The following ZFYVE28 variants were observed in gnomAD, a reference collection of about 807,000 sequenced individuals.
The protein encoded by ZFYVE28 is lateral signaling target protein 2 homolog.
Under a neutral mutation model 82.1 loss-of-function variants are expected in ZFYVE28, and 40 were observed. The observed-to-expected ratio is 0.49, with a 90% CI of 0.38 to 0.63. The LOEUF (loss-of-function observed/expected upper bound fraction) is 0.63. Among genes scored for constraint, ZFYVE28 ranks in the 30% least tolerant of loss-of-function variants. The pLI is 0.00. For missense variants in ZFYVE28, 1,321 were observed against 1,242.1 expected, an observed-to-expected ratio of 1.06 and a Z score of -0.96; for synonymous variants, 612 against 546.1, an observed-to-expected ratio of 1.12 and a Z score of -1.68.
chr4:2,357,341 G>A lies in ZFYVE28; in HGVS notation c.40-3268C>T, dbSNP rs2108887705. Among the ~76,000 whole-genome samples, 7 of 152,320 alleles carry A rather than the reference G, an allele frequency of 4.6e-5. No individual in the cohort carries two copies. The South Asian group carries it at 1.4e-3, about 32-fold the overall frequency. On this transcript the variant is annotated intron_variant, in intron 1 of 12. Transcript: ENST00000290974. ...GCCCCTCCTCGCTCCCAAGGAAGAG[G>A]GGAAGAGCCAAGAACAGCACCTTCC...
Position 2,409,105 on chromosome 4 carries a change from A to G in ZFYVE28, c.39+9180T>C, listed in dbSNP as rs1732240610. Among the ~76,000 whole-genome samples, 1 of 140,370 alleles carries G rather than the reference A, an allele frequency of 7.1e-6. No homozygotes were observed. Among genetic ancestry groups the G allele is most frequent in the Non-Finnish European group, 1.5e-5 (1 of 64,660 alleles). 92.1% of individuals were successfully genotyped at this position (140,370 alleles called of 152,430 possible). ...AACGCCCCTGGCCCCCCACCCTCAC[A>G]TTCCCCGTGGAGTTGCATGGCCATC... On this transcript the variant is annotated intron_variant, in intron 1 of 12. Transcript: ENST00000290974. This position sits in a 1 kb window ranked among gnomAD's most constrained non-coding sequence, Gnocchi z 4.4.
chr4:2,297,813 T>C (rs1366000144), intron 8 of ZFYVE28, among the ~76,000 whole-genome samples: 167 of 69,364 alleles, frequency 2.4e-3, no homozygotes, highest in East Asian at 5.4e-3. Context: ...AGAAGACGAG[T>C]GGTGACAGTG....
intron 8 of ZFYVE28, among the ~76,000 whole-genome samples, chr4:2,288,565 A>T (rs530287429): frequency 1.3e-5 from 2 of 152,316 alleles, no homozygotes; most frequent in African/African-American, 4.8e-5. Flanking sequence ...GGGTGTCTCC[A>T]AGCTGGGTTG....
At chr4:2,356,446 A>G (rs3128829) in intron 1 of ZFYVE28, among the ~76,000 whole-genome samples, 1,081 of 29,446 alleles carry the variant, frequency 0.037, 17 homozygotes, top group African/African-American at 0.087. Context: ...CCGGCCGTTG[A>G]TGTGCCTGCC....
At chr4:2,380,514 C>T (rs1238635420) in intron 1 of ZFYVE28, among the ~76,000 whole-genome samples, 2 of 152,192 alleles carry the variant, frequency 1.3e-5, no homozygotes, top group Non-Finnish European at 2.9e-5. Flanking sequence ...GCAGCAGAAA[C>T]CACCTGGTTT....
chr4:2,412,246 G>A (rs564976914), intron 1 of ZFYVE28, among the ~76,000 whole-genome samples: 14 of 152,284 alleles, frequency 9.2e-5, no homozygotes, highest in Non-Finnish European at 1.2e-4. Context: ...GGAGGAACTG[G>A]AAGCTGTGAT....
chr4:2,286,905 A>C (rs1186936488), intron 8 of ZFYVE28: 2 of 142,668 alleles, frequency 1.4e-5, no homozygotes, highest in Admixed American at 1.4e-4. Flanking sequence ...AGATTTAATT[A>C]AGTTAAGGAT....
chr4:2,398,774 A>G (rs1330012838), intron 1 of ZFYVE28, among the ~76,000 whole-genome samples: 3 of 1,182 alleles, frequency 2.5e-3, no homozygotes, highest in Non-Finnish European at 4.5e-3. Context: ...GGTCAGTGGC[A>G]GGGGCAAGAT....
chr4:2,312,409 T>C (rs1328630478), intron 7 of ZFYVE28, among the ~76,000 whole-genome samples: 1 of 152,050 alleles, frequency 6.6e-6, no homozygotes, highest in East Asian at 1.9e-4. Context: ...TTCCATTGAC[T>C]TCTGCAATGA....
chr4:2,340,359 G>A (rs552021788), intron 3 of ZFYVE28, among the ~76,000 whole-genome samples: 1 of 152,320 alleles, frequency 6.6e-6, no homozygotes, highest in South Asian at 2.1e-4. Flanking sequence ...TCACCAAGCT[G>A]CCCTCTGGCA....
intron 6 of ZFYVE28, chr4:2,330,961 G>C: frequency 6.5e-7 from 1 of 1,535,244 alleles, no homozygotes; most frequent in South Asian, 1.2e-5. Flanking sequence ...GATGGGTGAG[G>C]GCCCCTGAAG....
At chr4:2,402,039 CAG>C (rs1372650829) in intron 1 of ZFYVE28, among the ~76,000 whole-genome samples, 1 of 152,194 alleles carries the variant, frequency 6.6e-6, no homozygotes, top group Non-Finnish European at 1.5e-5. Context: ...TCAAGAGACA[CAG>C]AGGAAGAAAT....
intron 1 of ZFYVE28, among the ~76,000 whole-genome samples, chr4:2,387,045 CTG>C (rs1729331845): frequency 6.6e-6 from 1 of 152,154 alleles, no homozygotes; most frequent in African/African-American, 2.4e-5. Context: ...GCTCCGCAGA[CTG>C]CAGGAGACTC....
chr4:2,358,588 A>G (rs1315367097), intron 1 of ZFYVE28, among the ~76,000 whole-genome samples: 1 of 152,140 alleles, frequency 6.6e-6, no homozygotes, highest in African/African-American at 2.4e-5. Flanking sequence ...AAGCCTCTGA[A>G]TGGTCTCCCA....
rs1164427105 is a variant in ZFYVE28, at chr4:2,341,199, G to A, written c.318+279C>T. 3.9e-6 allele frequency: 2 copies of A among 516,202 alleles called. No individual in the cohort carries two copies. Among genetic ancestry groups the A allele is most frequent in the Non-Finnish European group, 7.0e-6 (2 of 286,956 alleles). The allele number at this position is 516,202 out of a possible 1,614,324, so 32.0% of individuals were successfully genotyped here. On this transcript the variant is annotated intron_variant, in intron 3 of 12. Coordinates refer to ENST00000290974, the MANE Select transcript of ZFYVE28 (RefSeq NM_020972.3). The surrounding 1 kb of genome is among the most constrained non-coding windows in gnomAD (Gnocchi z 4.5). Reference sequence around the variant, plus strand: ...TTACTGCCATTAAAAACCACTTTTAGGTCCTGGCTGTCTGGGGGCCTGTGA... The same window carrying A: ...TTACTGCCATTAAAAACCACTTTTAAGTCCTGGCTGTCTGGGGGCCTGTGA...
chr4:2,307,661 TA>T (rs1320015422), intron 7 of ZFYVE28, among the ~76,000 whole-genome samples: 1 of 152,178 alleles, frequency 6.6e-6, no homozygotes, highest in Non-Finnish European at 1.5e-5. Flanking sequence ...TATTTTTAAT[TA>T]AAAAAATTTT....
At chr4:2,363,709 T>C (rs1223097213) in intron 1 of ZFYVE28, among the ~76,000 whole-genome samples, 2 of 152,238 alleles carry the variant, frequency 1.3e-5, no homozygotes, top group African/African-American at 4.8e-5. Context: ...CAGGATGCAG[T>C]GCCCACAGGC....
intron 1 of ZFYVE28, among the ~76,000 whole-genome samples, chr4:2,411,229 C>T (rs6838415): frequency 3.3e-5 from 5 of 149,534 alleles, no homozygotes; most frequent in Admixed American, 2.0e-4. Context: ...GGGGCCCCCC[C>T]ACTTGATGTG....
chr4:2,354,232 G>A (rs1180474548), intron 1 of ZFYVE28, among the ~76,000 whole-genome samples, 159 bp from the exon 2 acceptor site: 3 of 152,140 alleles, frequency 2.0e-5, no homozygotes, highest in Non-Finnish European at 4.4e-5. Context: ...AGGATCTAGA[G>A]GGAAACAACT....
Sources: gnomAD v4.1 joint callset for allele counts (sites outside exome capture counted in the v4.1 genomes callset) on GRCh38, gnomAD v4.1.1 for gene constraint, Gnocchi (gnomAD v3.1) non-coding constraint, MANE v1.5 for transcripts, NCBI Gene and HGNC (gene_info 2026-07-23, HGNC 2026-07-21) for gene names.